Variants in SOS1 observed in about 807,000 individuals in gnomAD.
The protein encoded by SOS1 is son of sevenless homolog 1.
In SOS1, 25 loss-of-function variants were observed where a neutral mutation model predicts 157.6. The ratio of observed to expected loss-of-function variants is 0.16; its 90% CI spans 0.12 to 0.22. The LOEUF is 0.22. SOS1 is among the 10% of genes least tolerant of loss of function. SOS1 has a pLI of 1.00. For missense variants in SOS1, 1,237 were observed against 1,599.1 expected (o/e 0.77, Z 3.86); for synonymous variants, 528 against 534.0 (o/e 0.99, Z 0.16).
intron 14 of SOS1, 43 bp downstream of exon 14, chr2:39,012,083 C>G: frequency 7.4e-7 from 1 of 1,350,394 alleles, no homozygotes; most frequent in Non-Finnish European, 1.1e-6. Flanking sequence ...TAAAAGTTAA[C>G]TCTTTTGAAA....
At chr2:39,033,990 G>A (rs1192971942) in intron 8 of SOS1, among the ~76,000 whole-genome samples, 1 of 151,674 alleles carries the variant, frequency 6.6e-6, no homozygotes, top group African/African-American at 2.4e-5. Flanking sequence ...AAAACAGTGT[G>A]TAAATGTCCC....
intron 8 of SOS1, among the ~76,000 whole-genome samples, chr2:39,031,916 TAA>T (rs1412205080): frequency 3.3e-5 from 5 of 152,322 alleles, no homozygotes; most frequent in South Asian, 2.1e-4. Flanking sequence ...CTTTTCAAGT[TAA>T]AGAGTGAAGA....
intron 15 of SOS1, among the ~76,000 whole-genome samples, chr2:39,008,542 C>T (rs529088253): frequency 6.6e-6 from 1 of 152,280 alleles, no homozygotes; most frequent in Non-Finnish European, 1.5e-5. Flanking sequence ...TGAAGATACA[C>T]CCTAGACTGT....
At chr2:39,044,712 C>T (rs1286211756) in intron 6 of SOS1, among the ~76,000 whole-genome samples, 2 of 152,056 alleles carry the variant, frequency 1.3e-5, no homozygotes, top group Non-Finnish European at 2.9e-5. Flanking sequence ...GCTGGCTTTT[C>T]GTATATATGG....
At chr2:39,056,046 A>G (rs1671199893) in intron 4 of SOS1, among the ~76,000 whole-genome samples, 1 of 152,240 alleles carries the variant, frequency 6.6e-6, no homozygotes, top group African/African-American at 2.4e-5. Context: ...TGCTGAAGTA[A>G]AACTATCGTT....
At chr2:39,041,348 T>C (rs1670561087) in intron 6 of SOS1, among the ~76,000 whole-genome samples, 1 of 152,240 alleles carries the variant, frequency 6.6e-6, no homozygotes, top group African/African-American at 2.4e-5. Context: ...TGGCCATTTA[T>C]ATATCTTCAT....
chr2:39,019,408 G>A (rs935811317), intron 10 of SOS1, among the ~76,000 whole-genome samples: 4 of 151,608 alleles, frequency 2.6e-5, no homozygotes, highest in African/African-American at 7.2e-5. Flanking sequence ...TTTTATTTGT[G>A]CATATTGCTT....
At chr2:39,083,605 G>A (rs767291131) in intron 1 of SOS1, among the ~76,000 whole-genome samples, 10 of 152,062 alleles carry the variant, frequency 6.6e-5, no homozygotes, top group Non-Finnish European at 1.2e-4. Context: ...GACTGTTCTT[G>A]GAAAAAGTTA....
intron 20 of SOS1, among the ~76,000 whole-genome samples, chr2:38,990,302 T>C (rs541119261): frequency 6.6e-6 from 1 of 152,214 alleles, no homozygotes; most frequent in African/African-American, 2.4e-5. Flanking sequence ...AAATAATCTG[T>C]CCCATTATCT....
chr2:39,076,286 G>A (rs1406370511), intron 1 of SOS1, among the ~76,000 whole-genome samples: 1 of 152,084 alleles, frequency 6.6e-6, no homozygotes, highest in African/African-American at 2.4e-5. Flanking sequence ...TGTGGTCCCA[G>A]TTACTGGGGA....
intron 6 of SOS1, among the ~76,000 whole-genome samples, chr2:39,049,371 G>C (rs1292224155): frequency 6.6e-6 from 1 of 152,138 alleles, no homozygotes; most frequent in African/African-American, 2.4e-5. Flanking sequence ...TTCAATGCTT[G>C]TATATTTAAT....
intron 10 of SOS1, among the ~76,000 whole-genome samples, chr2:39,018,424 A>T (rs912037160): frequency 3.3e-5 from 5 of 151,730 alleles, no homozygotes; most frequent in African/African-American, 1.2e-4. Flanking sequence ...CCCAATCAAA[A>T]CAGCTAGGTT....
chr2:38,990,136 T>C (rs920672123), intron 20 of SOS1, among the ~76,000 whole-genome samples: 3 of 151,578 alleles, frequency 2.0e-5, no homozygotes, highest in Non-Finnish European at 4.4e-5. Context: ...AAAATAATAC[T>C]AGACTGTGGT....
At chr2:39,013,761 A>G (rs933275760) in intron 12 of SOS1, 106 bp downstream of exon 12, 168 of 1,007,226 alleles carry the variant, frequency 1.7e-4, no homozygotes, top group Non-Finnish European at 2.4e-4. Context: ...TTAATTTACT[A>G]ATTTTATTGT....
chr2:38,982,767 T>A lies in SOS1; in HGVS notation c.*3057A>T, dbSNP rs1226003905. 1 of 152,162 alleles carries A rather than the reference T, an allele frequency of 6.6e-6. No homozygotes were observed. The highest frequency in any genetic ancestry group is 1.5e-5 in the Non-Finnish European group (1 of 68,012). 9.4% of individuals were successfully genotyped at this position (152,162 alleles called of 1,614,324 possible). A position where few individuals can be genotyped will look rare whatever the true frequency, so the allele number is the denominator to read the frequency against. Reference sequence around the variant, plus strand: ...AATGAAATACAAGATTAAGCTAAACTTGAGAATTAAGATCATGACCATAAA... The same window carrying A: ...AATGAAATACAAGATTAAGCTAAACATGAGAATTAAGATCATGACCATAAA... On this transcript the variant is annotated 3_prime_UTR_variant, in exon 23 of 23. Transcript: ENST00000402219.
intron 2 of SOS1, among the ~76,000 whole-genome samples, chr2:39,065,754 G>T (rs1208295772): frequency 6.6e-6 from 1 of 152,130 alleles, no homozygotes; most frequent in African/African-American, 2.4e-5. Context: ...CAACCTCTCT[G>T]TGCTTCAGTT....
At chr2:38,986,704 T>C (rs1411429137) in intron 22 of SOS1, among the ~76,000 whole-genome samples, 1 of 152,074 alleles carries the variant, frequency 6.6e-6, no homozygotes, top group Admixed American at 6.5e-5. Flanking sequence ...AATGGGAGGT[T>C]CTGTCAATTC....
intron 1 of SOS1, among the ~76,000 whole-genome samples, chr2:39,101,077 T>G (rs1672948928): frequency 6.6e-6 from 1 of 152,214 alleles, no homozygotes; most frequent in Non-Finnish European, 1.5e-5. Flanking sequence ...CTGCAGGCTG[T>G]ACAAGAAGCG....
chr2:39,089,742 G>A (rs937625145), intron 1 of SOS1, among the ~76,000 whole-genome samples: 1 of 151,964 alleles, frequency 6.6e-6, no homozygotes, highest in African/African-American at 2.4e-5. Flanking sequence ...CATGGTACTA[G>A]TATAGTCAAT....
Sources: allele counts gnomAD v4.1 joint callset (sites outside exome capture counted in the v4.1 genomes callset), GRCh38; gene constraint gnomAD v4.1.1; transcripts MANE v1.5; gene names NCBI Gene and HGNC (gene_info 2026-07-23, HGNC 2026-07-21).